The following SLF2 variants were observed in gnomAD, a reference collection of about 807,000 sequenced individuals.
The protein encoded by SLF2 is SMC5-SMC6 complex localization factor protein 2.
SLF2 carries 68 observed loss-of-function variants against 124.3 expected under a neutral mutation model. The observed-to-expected ratio is 0.55, with a 90% CI of 0.45 to 0.67. SLF2 has a LOEUF of 0.67. SLF2 is among the 30% of genes least tolerant of loss of function. SLF2 has a pLI of 0.00. For synonymous variants in SLF2, 480 were observed against 478.8 expected (o/e 1.00, Z -0.03); for missense variants, 1,246 against 1,373.7 (o/e 0.91, Z 1.47).
rs1254899185 is a variant in SLF2, at chr10:100,938,677, T to C, written c.2595T>C (p.Asp865=). Residue 865 remains aspartate, a synonymous_variant, in exon 11 of 20, where the codon GAT becomes GAC. Coordinates refer to ENST00000238961, the MANE Select transcript of SLF2 (RefSeq NM_018121.4). The stretch of plus-strand genomic sequence containing the variant: ...CTGTGTTTTTCAATATGGGGATTGA[T>C]TTTAGATCTTTGTTTCCCCTGGAGA... The part of the protein sequence containing the change: ...VAAVFFNMGI[D]FRSLFPLENL... 1 of 1,613,664 alleles carries C rather than the reference T, an allele frequency of 6.2e-7. No homozygotes were observed. Among genetic ancestry groups the C allele is most frequent in the Non-Finnish European group, 8.5e-7 (1 of 1,179,882 alleles).
At chr10:100,928,353 C>T (rs556623385) in intron 6 of SLF2, among the ~76,000 whole-genome samples, 3 of 151,998 alleles carry the variant, frequency 2.0e-5, no homozygotes, top group African/African-American at 7.2e-5. Flanking sequence ...AAAAGCTTCC[C>T]CCTTTCTGAA....
chr10:100,935,614 A>G (rs966546623), intron 9 of SLF2, among the ~76,000 whole-genome samples: 1 of 151,730 alleles, frequency 6.6e-6, no homozygotes, highest in Non-Finnish European at 1.5e-5. Context: ...TGGGAGGCAG[A>G]GGTTGCAGTC....
intron 10 of SLF2, among the ~76,000 whole-genome samples, chr10:100,937,760 C>T (rs905933012): frequency 9.2e-5 from 14 of 152,158 alleles, no homozygotes; most frequent in African/African-American, 2.9e-4. Flanking sequence ...AGGCACACAC[C>T]GCTATACCCA....
chr10:100,963,230 A>G lies in SLF2; in HGVS notation c.*1318A>G, dbSNP rs529564802. On this transcript the variant is annotated 3_prime_UTR_variant, in exon 20 of 20. Transcript: ENST00000238961. Reference sequence around the variant, plus strand: ...GCGGTTTGAGAGGCAAGAAAATAAAATAACTTTCTACCTCTAAATTGAGGC... The same window carrying G: ...GCGGTTTGAGAGGCAAGAAAATAAAGTAACTTTCTACCTCTAAATTGAGGC... 2 of 152,744 alleles carry G rather than the reference A, an allele frequency of 1.3e-5. No homozygotes were observed. The highest frequency in any genetic ancestry group is 2.9e-5 in the Non-Finnish European group (2 of 68,038). The allele number at this position is 152,744 out of a possible 1,614,324, so 9.5% of individuals were successfully genotyped here. A position where few individuals can be genotyped will look rare whatever the true frequency, so the allele number is the denominator to read the frequency against.
intron 11 of SLF2, among the ~76,000 whole-genome samples, chr10:100,941,676 T>C (rs958416344): frequency 2.6e-5 from 4 of 152,328 alleles, no homozygotes; most frequent in South Asian, 2.1e-4. Context: ...TCTAATCAAA[T>C]TGATCTGCCT....
Position 100,964,914 on chromosome 10 carries a change from G to T in SLF2, c.*3002G>T, listed in dbSNP as rs1048400586. 3 of 152,322 alleles carry T rather than the reference G, an allele frequency of 2.0e-5. No individual in the cohort carries two copies. The highest frequency in any genetic ancestry group is 2.9e-5 in the Non-Finnish European group (2 of 68,022). 9.4% of individuals were successfully genotyped at this position (152,322 alleles called of 1,614,324 possible). ...CGTAGAGCAGTTAGCATGATCCATG[G>T]TTATTCCTTACTCATGAACAGTGTC... On this transcript the variant is annotated 3_prime_UTR_variant, in exon 20 of 20. Transcript: ENST00000238961.
chr10:100,941,754 G>A (rs1245266500), intron 11 of SLF2, among the ~76,000 whole-genome samples: 2 of 152,082 alleles, frequency 1.3e-5, no homozygotes, highest in African/African-American at 4.8e-5. Context: ...TCTGTTCTAA[G>A]GGCTTCACAT....
intron 6 of SLF2, among the ~76,000 whole-genome samples, chr10:100,927,795 C>T (rs1040170398): frequency 6.6e-6 from 1 of 152,062 alleles, no homozygotes; most frequent in Non-Finnish European, 1.5e-5. Flanking sequence ...GCCATCCTAA[C>T]AGTAAAGTGG....
At position 100,917,116 on chromosome 10, in the gene SLF2, G is replaced by A; in HGVS notation, c.731G>A (p.Cys244Tyr). The A allele has an allele frequency of 1.9e-6, 3 of 1,614,166 alleles. No homozygotes were observed. The highest frequency in any genetic ancestry group is 2.5e-6 in the Non-Finnish European group (3 of 1,180,036). Residue 244 changes from cysteine (C) to tyrosine (Y), a missense_variant, in exon 3 of 20, where the codon TGC (cysteine) becomes TAC (tyrosine). By Grantham distance (194) the Cys-to-Tyr change is radical. Coordinates refer to ENST00000238961, the MANE Select transcript of SLF2 (RefSeq NM_018121.4). ...TTCCAGTTGTCACTAGCTTCTTACT[G>A]CAGAGAACGAGAACTAAAGAGGTTG... Reference protein sequence around the residue: ...AKFQLSLASYCRERELKRLRK... With the variant: ...AKFQLSLASYYRERELKRLRK...
chr10:100,944,066 G>C lies in SLF2; in HGVS notation c.2695G>C (p.Asp899His). 6.2e-7 allele frequency: 1 copy of C among 1,612,894 alleles called. No homozygotes were observed. Among genetic ancestry groups the C allele is most frequent in the Non-Finnish European group, 8.5e-7 (1 of 1,179,620 alleles). ...AACATCAAGGGGGAAAGAAAGTGAA[G>C]ATTCATCTTATAAGCCAATTTTTTC... ...QTTSRGKESEDSSYKPIFSTL... is the reference protein window; with the variant it reads ...QTTSRGKESEHSSYKPIFSTL... Residue 899 changes from aspartate (D) to histidine (H), a missense_variant, in exon 12 of 20, where the codon GAT (aspartate) becomes CAT (histidine). Around this residue, in one of 3 missense-constraint regions of SLF2, gnomAD observed 535 missense variants for 632.8 expected, o/e 0.85. Transcript: ENST00000238961.
At position 100,931,073 on chromosome 10, in the gene SLF2, T is replaced by C. The variant is rs1293637436; in HGVS notation, c.2431T>C (p.Phe811Leu). 1.2e-6 allele frequency: 2 copies of C among 1,611,708 alleles called. No homozygotes were observed. The change falls in exon 9 of 20, where the codon TTT (phenylalanine) becomes CTT (leucine). Residue 811 changes from phenylalanine (F) to leucine (L), a missense_variant. Phe to Leu is a conservative substitution (Grantham distance 22, BLOSUM62 0). Transcript: ENST00000238961. ...TCCTGTCCCTGTGTTAAAGTGGCTG[T>C]TTCGGGTAAGAGGAATGTTTAGAGG... ...QCPVPVLKWL[F>L]RMMSVHTDCI... is the part of the protein sequence containing the mutation.
rs1021466942 is a variant in SLF2, at chr10:100,932,712, T to C, written c.2436+1634T>C. Among the ~76,000 whole-genome samples, 24 of 129,156 alleles carry C rather than the reference T, an allele frequency of 1.9e-4. 1 individual carries two copies. Among genetic ancestry groups the C allele is most frequent in the African/African-American group, 7.3e-4 (24 of 32,980 alleles). The allele number at this position is 129,156 out of a possible 152,430, so 84.7% of individuals were successfully genotyped here. On this transcript the variant is annotated intron_variant, in intron 9 of 19. Transcript: ENST00000238961. ...CAATAAGTGTGTGTGTGTGTGTGTGTGTGTGTGTGCGCGCGCGCGCGCGCG... is the reference window on the plus strand; with the variant it reads ...CAATAAGTGTGTGTGTGTGTGTGTGCGTGTGTGTGCGCGCGCGCGCGCGCG...
rs563962744 is a variant in SLF2 at position 100,943,899 on chromosome 10, C to T, written c.2655-127C>T. 28 of 577,070 alleles carry T rather than the reference C, an allele frequency of 4.9e-5. No individual in the cohort carries two copies. In the Admixed American group the frequency reaches 7.5e-4, roughly 15 times the overall value. 35.7% of individuals were successfully genotyped at this position (577,070 alleles called of 1,614,324 possible). ...TGATTATCAAAACTTAAAATGGGTA[C>T]ATTCCTTTTATTGTATGTAAATTAT... On this transcript the variant is annotated intron_variant, in intron 11 of 19. Coordinates refer to ENST00000238961, the MANE Select transcript of SLF2 (RefSeq NM_018121.4).
At position 100,963,796 on chromosome 10, in the gene SLF2, A is replaced by G. The variant is rs1850465990; in HGVS notation, c.*1884A>G. 6.6e-6 allele frequency: 1 copy of G among 152,448 alleles called. No homozygotes were observed. Among genetic ancestry groups the G allele is most frequent in the African/African-American group, 2.4e-5 (1 of 41,384 alleles). 9.4% of individuals were successfully genotyped at this position (152,448 alleles called of 1,614,324 possible). A position where few individuals can be genotyped will look rare whatever the true frequency, so the allele number is the denominator to read the frequency against. On this transcript the variant is annotated 3_prime_UTR_variant, in exon 20 of 20. Transcript: ENST00000238961. Reference sequence around the variant, plus strand: ...AGTGGGTTATTCAGGTTTTTTTTTAATGACCCTTTTGTATTGCAGTTTCAA... The same window carrying G: ...AGTGGGTTATTCAGGTTTTTTTTTAGTGACCCTTTTGTATTGCAGTTTCAA...
At chr10:100,933,764 C>T (rs1399230771) in intron 9 of SLF2, among the ~76,000 whole-genome samples, 1 of 152,192 alleles carries the variant, frequency 6.6e-6, no homozygotes, top group African/African-American at 2.4e-5. Flanking sequence ...ACTACAACCT[C>T]CGCCTCCTAG....
At chr10:100,919,173 G>T (rs986329635) in intron 4 of SLF2, among the ~76,000 whole-genome samples, 1 of 151,672 alleles carries the variant, frequency 6.6e-6, no homozygotes, top group African/African-American at 2.4e-5. Context: ...CACCATGCCC[G>T]ACTAATTTTT....
At chr10:100,944,164 C>G in intron 12 of SLF2, 36 bp downstream of exon 12, 3 of 1,374,238 alleles carry the variant, frequency 2.2e-6, no homozygotes, top group Non-Finnish European at 2.0e-6. Context: ...CTGCTCAGAG[C>G]TAGAACCATT....
At position 100,944,015 on chromosome 10, in the gene SLF2, C is replaced by T; in HGVS notation, c.2655-11C>T. 2 of 1,582,910 alleles carry T rather than the reference C, an allele frequency of 1.3e-6. No individual in the cohort carries two copies. The highest frequency in any genetic ancestry group is 1.7e-6 in the Non-Finnish European group (2 of 1,160,662). On this transcript the variant is annotated splice_polypyrimidine_tract_variant and intron_variant, in intron 11 of 19. Coordinates refer to ENST00000238961, the MANE Select transcript of SLF2 (RefSeq NM_018121.4). Reference sequence around the variant, plus strand: ...GCCTAACTTCACATTGCTTTACTCACTTCTCAATAGTTCTGAAACACAGAC... The same window carrying T: ...GCCTAACTTCACATTGCTTTACTCATTTCTCAATAGTTCTGAAACACAGAC...
At chr10:100,915,873 G>A in intron 1 of SLF2, 126 bp from the exon 2 acceptor site, 2 of 718,792 alleles carry the variant, frequency 2.8e-6, no homozygotes, top group South Asian at 3.7e-5. Context: ...TGTTACCATT[G>A]TCAGAACTTT....
Sources: allele counts gnomAD v4.1 joint callset (sites outside exome capture counted in the v4.1 genomes callset), GRCh38; gene constraint gnomAD v4.1.1; regional missense constraint gnomAD v4.1.1; transcripts MANE v1.5; gene names NCBI Gene and HGNC (gene_info 2026-07-23, HGNC 2026-07-21).